AHNAK2: variants seen among roughly 807,000 people sequenced by gnomAD.
AHNAK2 encodes the protein protein AHNAK2.
A neutral mutation model predicts 30.7 loss-of-function variants in AHNAK2; 18 were observed. That is an observed-to-expected ratio of 0.59 (90% CI 0.41 to 0.87). AHNAK2 has a LOEUF of 0.87. AHNAK2 is among the 40% of genes least tolerant of loss of function. AHNAK2 has a pLI of 0.00. For missense variants in AHNAK2, 8,604 were observed against 7,373.0 expected, an observed-to-expected ratio of 1.17 and a Z score of -6.11; for synonymous variants, 3,590 against 3,073.8, an observed-to-expected ratio of 1.17 and a Z score of -5.56.
Position 104,954,154 on chromosome 14 carries a change from C to T in AHNAK2, c.1297G>A (p.Val433Met), listed in dbSNP as rs1348059262. ...TGGGCCCTGGGCTTCCTCTGGGCCA[C>T]TGCTGTCTCCTGTGCCTGCCCCTCC... Reference protein sequence around the residue: ...TLEGQAQETAVAQRKPRAQPT... With the variant: ...TLEGQAQETAMAQRKPRAQPT... The change falls in exon 7 of 7, where the codon GTG (valine) becomes ATG (methionine). Residue 433 changes from valine (V) to methionine (M), a missense_variant. Val to Met is a conservative substitution (Grantham distance 21, BLOSUM62 1). Coordinates refer to ENST00000333244, the MANE Select transcript of AHNAK2 (RefSeq NM_138420.4). This position sits in a 1 kb window ranked among gnomAD's most constrained non-coding sequence, Gnocchi z 4.3. 2 of 1,610,506 alleles carry T rather than the reference C, an allele frequency of 1.2e-6. No individual in the cohort carries two copies. The highest frequency in any genetic ancestry group is 1.3e-5 in the African/African-American group (1 of 75,046).
rs767380678 is a variant in AHNAK2 at position 104,946,520 on chromosome 14, C to T, written c.8931G>A (p.Lys2977=). 10 of 1,612,430 alleles carry T rather than the reference C, an allele frequency of 6.2e-6. No homozygotes were observed. The highest frequency in any genetic ancestry group is 4.4e-5 in the South Asian group (4 of 91,022). Residue 2977 remains lysine (K), a synonymous_variant, in exon 7 of 7, where the codon AAG becomes AAA. Transcript: ENST00000333244. ...ADKDVTAKDS[K]FKMPKFKMPS... ...GCATCTTGAACTTGGGCATTTTGAA[C>T]TTGCTGTCTTTGGCAGTCACATCCT...
At position 104,939,121 on chromosome 14, in the gene AHNAK2, G is replaced by T. The variant is rs1432447143; in HGVS notation, c.16330C>A (p.Pro5444Thr). ...TTAAGGTCCACAGGCTGCTCCCCAG[G>T]GACCCCAGCACCTGCCTTCAGGATG... ...ASILKAGAGVPGEQPVDLNLP... is the reference protein window; with the variant it reads ...ASILKAGAGVTGEQPVDLNLP... Residue 5444 changes from proline (P) to threonine (T), a missense_variant, in exon 7 of 7, where the codon CCT (proline) becomes ACT (threonine). Coordinates refer to ENST00000333244, the MANE Select transcript of AHNAK2 (RefSeq NM_138420.4). 2.5e-5 allele frequency: 41 copies of T among 1,608,054 alleles called. No individual in the cohort carries two copies. Among genetic ancestry groups the T allele is most frequent in the Non-Finnish European group, 3.4e-5 (40 of 1,177,532 alleles).
intron 1 of AHNAK2, among the ~76,000 whole-genome samples, chr14:104,970,032 C>A (rs538474624): frequency 3.0e-4 from 45 of 152,316 alleles, no homozygotes; most frequent in African/African-American, 9.6e-4. Context: ...CTTCTCCAGG[C>A]CCCACGCCCA....
chr14:104,969,915 C>T (rs1660916022), intron 1 of AHNAK2, among the ~76,000 whole-genome samples: 1 of 152,184 alleles, frequency 6.6e-6, no homozygotes, highest in South Asian at 2.1e-4. Context: ...CCCCACAGCC[C>T]ACCTCGGGCA....
chr14:104,961,338 C>A (rs1003639508), intron 1 of AHNAK2, among the ~76,000 whole-genome samples: 3 of 151,496 alleles, frequency 2.0e-5, no homozygotes, highest in African/African-American at 7.3e-5. Flanking sequence ...CACAGTGAAA[C>A]CCCGTCTCTA....
At position 104,944,857 on chromosome 14, in the gene AHNAK2, C is replaced by T. The variant is rs1276497123; in HGVS notation, c.10594G>A (p.Val3532Ile). Residue 3532 changes from valine to isoleucine, a missense_variant, in exon 7 of 7, where the codon GTC (valine) becomes ATC (isoleucine). By Grantham distance (29) the Val-to-Ile change is conservative. Transcript: ENST00000333244. ...TCCACATCCACTTGGACAGCCTGGA[C>T]CTCCAGGTCAGCGGAAGGGGGCTGA... ...SIQPPSADLE[V>I]QAVQVDVELL... The T allele has an allele frequency of 6.2e-7, 1 of 1,612,912 alleles. No homozygotes were observed. Among genetic ancestry groups the T allele is most frequent in the East Asian group, 2.2e-5 (1 of 44,748 alleles).
At chr14:104,967,170 G>T (rs1899328723) in intron 1 of AHNAK2, among the ~76,000 whole-genome samples, 1 of 152,224 alleles carries the variant, frequency 6.6e-6, no homozygotes, top group Non-Finnish European at 1.5e-5. Flanking sequence ...TTCTGAGGCT[G>T]CCCAGAAACC....
rs774950142 is a variant in AHNAK2 at position 104,953,170 on chromosome 14, C to G, written c.2281G>C (p.Val761Leu). Residue 761 changes from valine to leucine, a missense_variant, in exon 7 of 7, where the codon GTG becomes CTG. Transcript: ENST00000333244. ...GASLKGHLPK[V>L]QRPSLKMPKV... ...GGCATCTTCAAACTGGGCCTCTGCA[C>G]CTTGGGCAGGTGCCCTTTGAGGCTG... The G allele has an allele frequency of 3.7e-6, 6 of 1,613,034 alleles. No individual in the cohort carries two copies. Among genetic ancestry groups the G allele is most frequent in the Non-Finnish European group, 5.1e-6 (6 of 1,179,654 alleles).
At position 104,938,822 on chromosome 14, in the gene AHNAK2, C is replaced by G. The variant is rs185956574; in HGVS notation, c.16629G>C (p.Arg5543Ser). ...RVYTTMTQHS[R>S]TQEGTEEAPI... ...GAGCCTCTTCTGTGCCCTCCTGAGTCCTAGAGTGTTGAGTCATTGTTGTGT... is the reference window on the plus strand; with the variant it reads ...GAGCCTCTTCTGTGCCCTCCTGAGTGCTAGAGTGTTGAGTCATTGTTGTGT... Residue 5543 changes from arginine to serine, a missense_variant, in exon 7 of 7, where the codon AGG becomes AGC. By Grantham distance (110) the Arg-to-Ser change is moderately radical. Coordinates refer to ENST00000333244, the MANE Select transcript of AHNAK2 (RefSeq NM_138420.4). 1 of 1,613,776 alleles carries G rather than the reference C, an allele frequency of 6.2e-7. No individual in the cohort carries two copies. Among genetic ancestry groups the G allele is most frequent in the African/African-American group, 1.3e-5 (1 of 74,888 alleles).
At chr14:104,967,987 T>C (rs1447274390) in intron 1 of AHNAK2, among the ~76,000 whole-genome samples, 1 of 152,200 alleles carries the variant, frequency 6.6e-6, no homozygotes, top group Non-Finnish European at 1.5e-5. Flanking sequence ...GCTCTGCAAG[T>C]GGCCCCATCA....
At position 104,948,562 on chromosome 14, in the gene AHNAK2, C is replaced by T. The variant is rs779464809; in HGVS notation, c.6889G>A (p.Gly2297Ser). 3.1e-5 allele frequency: 50 copies of T among 1,612,028 alleles called. No individual in the cohort carries two copies. The African/African-American group carries it at 3.4e-4, about 11-fold the overall frequency. ...DVKAPGAKLDGARLEGDMSLA... is the reference protein window; with the variant it reads ...DVKAPGAKLDSARLEGDMSLA... ...GACATGTCCCCCTCCAGCCGCGCACCATCCAGCTTGGCTCCTGGGGCCTTG... is the reference window on the plus strand; with the variant it reads ...GACATGTCCCCCTCCAGCCGCGCACTATCCAGCTTGGCTCCTGGGGCCTTG... The change falls in exon 7 of 7, where the codon GGT (glycine) becomes AGT (serine). Residue 2297 changes from glycine to serine, a missense_variant. Coordinates refer to ENST00000333244, the MANE Select transcript of AHNAK2 (RefSeq NM_138420.4).
At chr14:104,955,260 G>A in intron 5 of AHNAK2, 119 bp from the exon 6 acceptor site, 1 of 1,332,544 alleles carries the variant, frequency 7.5e-7, no homozygotes, top group African/African-American at 1.5e-5. Context: ...CACTGAGTCT[G>A]CCCCACCAGT....
In AHNAK2 at chr14:104,944,724, A is replaced by G. The variant is rs768460476; in HGVS notation, c.10727T>C (p.Ile3576Thr). The G allele has an allele frequency of 6.8e-6, 11 of 1,611,524 alleles. No individual in the cohort carries two copies. The East Asian group carries it at 2.2e-4, about 33-fold the overall frequency. The change falls in exon 7 of 7, where the codon ATA (isoleucine) becomes ACA (threonine). Residue 3576 changes from isoleucine (I) to threonine (T), a missense_variant. By Grantham distance (89) the Ile-to-Thr change is moderately conservative. Coordinates refer to ENST00000333244, the MANE Select transcript of AHNAK2 (RefSeq NM_138420.4). ...TPKVDLKGPQ[I>T]DVKGPKLDLK... The stretch of plus-strand genomic sequence containing the variant: ...GTCCAGCTTGGGGCCCTTAACATCT[A>G]TCTGGGGGCCCTTGAGGTCCACTTT...
chr14:104,939,365 A>G lies in AHNAK2; in HGVS notation c.16086T>C (p.Thr5362=). Residue 5362 remains threonine, a synonymous_variant, in exon 7 of 7, where the codon ACT becomes ACC. Transcript: ENST00000333244. ...EGPLKLKASS[T]DMPSQISVVN... ...CCACAGAAATCTGGGATGGCATATC[A>G]GTACTTGAAGCTTTCAATTTAAGTG... The G allele has an allele frequency of 6.2e-7, 1 of 1,613,734 alleles. No individual in the cohort carries two copies. The highest frequency in any genetic ancestry group is 8.5e-7 in the Non-Finnish European group (1 of 1,179,880).
At position 104,976,004 on chromosome 14, in the gene AHNAK2, C is replaced by A. The variant is rs541608830; in HGVS notation, c.55+2179G>T. ...AGAGAAGAGACCACCCACACATCTT[C>A]GCATGGTATCACCACCTGGGGCCTT... On this transcript the variant is annotated intron_variant, in intron 1 of 6. Transcript: ENST00000333244. Among the ~76,000 whole-genome samples the A allele has an allele frequency of 1.1e-4, 17 of 152,158 alleles. 1 individual carries two copies. Among genetic ancestry groups the A allele is most frequent in the African/African-American group, 3.6e-4 (15 of 41,422 alleles).
rs1182246230 is a variant in AHNAK2 at position 104,952,753 on chromosome 14, T to C, written c.2698A>G (p.Lys900Glu). 10 of 1,612,394 alleles carry C rather than the reference T, an allele frequency of 6.2e-6. No individual in the cohort carries two copies. The highest frequency in any genetic ancestry group is 1.7e-4 in the Middle Eastern group (1 of 6,048). Residue 900 changes from lysine (K) to glutamate (E), a missense_variant, in exon 7 of 7, where the codon AAA (lysine) becomes GAA (glutamate). Lys to Glu is a moderately conservative substitution (Grantham distance 56). Transcript: ENST00000333244. ...LEVQAGQVDV[K>E]LPEGPVPEGA... is the part of the protein sequence containing the mutation. ...TCGGGCACAGGGCCCTCCGGAAGTT[T>C]CACATCCACTTGGCCAGCCTGGACC...
Position 104,944,507 on chromosome 14 carries a change from GA to G in AHNAK2, c.10943del (p.Phe3648SerfsTer25). ...TGGACTTCCCTGGGGCCGATACCCTGAATGACGGCATCTTGAATTTGGGCAT... is the reference window on the plus strand; with the variant it reads ...TGGACTTCCCTGGGGCCGATACCCTGATGACGGCATCTTGAATTTGGGCAT... ...FKMPKFKMPS[F>X]RVSAPGKSME... On this transcript the variant is annotated frameshift_variant, in exon 7 of 7. Coordinates refer to ENST00000333244, the MANE Select transcript of AHNAK2 (RefSeq NM_138420.4). LOFTEE classifies it low-confidence loss of function (END_TRUNC). The G allele has an allele frequency of 1.2e-6, 2 of 1,611,742 alleles. No individual in the cohort carries two copies. Among genetic ancestry groups the G allele is most frequent in the Non-Finnish European group, 1.7e-6 (2 of 1,179,064 alleles).
rs1566917424 is a variant in AHNAK2, at chr14:104,952,078, A to T, written c.3373T>A (p.Ser1125Thr). 6.2e-6 allele frequency: 10 copies of T among 1,612,276 alleles called. No individual in the cohort carries two copies. Among genetic ancestry groups the T allele is most frequent in the Non-Finnish European group, 8.5e-6 (10 of 1,179,476 alleles). Residue 1125 changes from serine to threonine, a missense_variant, in exon 7 of 7, where the codon TCT becomes ACT. Coordinates refer to ENST00000333244, the MANE Select transcript of AHNAK2 (RefSeq NM_138420.4). ...AEVTAPDVEV[S>T]LPSVEVDVEA... ...ACGTCCACCTCCACGCTGGGCAGAG[A>T]CACCTCCACATCAGGGGCTGTGACT...
In AHNAK2 at chr14:104,978,300, G is replaced by A; in HGVS notation, c.-63C>T. 1.3e-6 allele frequency: 1 copy of A among 795,228 alleles called. No homozygotes were observed. Among genetic ancestry groups the A allele is most frequent in the Non-Finnish European group, 1.6e-6 (1 of 626,580 alleles). 49.3% of individuals were successfully genotyped at this position (795,228 alleles called of 1,614,324 possible). ...CGTCCAGTCGCTGGTCCCGGCTCCGGCGCACGGGGCGGGCGGGCGGGAGCC... is the reference window on the plus strand; with the variant it reads ...CGTCCAGTCGCTGGTCCCGGCTCCGACGCACGGGGCGGGCGGGCGGGAGCC... On this transcript the variant is annotated 5_prime_UTR_variant, in exon 1 of 7. Transcript: ENST00000333244.
Sources: gnomAD v4.1 joint callset for allele counts (sites outside exome capture counted in the v4.1 genomes callset) on GRCh38, gnomAD v4.1.1 for gene constraint, Gnocchi (gnomAD v3.1) non-coding constraint, MANE v1.5 for transcripts, NCBI Gene and HGNC (gene_info 2026-07-23, HGNC 2026-07-21) for gene names.